Variants in SNTG2 observed in about 807,000 individuals in gnomAD.
The protein encoded by SNTG2 is gamma-2-syntrophin.
Under a neutral mutation model 70.9 loss-of-function variants are expected in SNTG2, and 74 were observed. That is an observed-to-expected ratio of 1.04 (90% CI 0.86 to 1.27). SNTG2 has a LOEUF of 1.27. Ranked by LOEUF, SNTG2 falls within the 50% of genes most tolerant of loss-of-function variation. The pLI is 0.00. For synonymous variants in SNTG2, 278 were observed against 273.8 expected (o/e 1.02, Z -0.15); for missense variants, 717 against 690.7 (o/e 1.04, Z -0.43).
chr2:1,289,213 ATCTTTACTTG>A (rs1679890996), intron 14 of SNTG2, among the ~76,000 whole-genome samples: 3 of 152,038 alleles, frequency 2.0e-5, no homozygotes, highest in African/African-American at 7.2e-5. Context: ...AATGATGCCA[ATCTTTACTTG>A]TCTGCAGCTC....
At chr2:1,051,385 G>A (rs1312108416) in intron 1 of SNTG2, among the ~76,000 whole-genome samples, 1 of 152,132 alleles carries the variant, frequency 6.6e-6, no homozygotes, top group Admixed American at 6.6e-5. Flanking sequence ...AGTTATGGAA[G>A]CTCTCTTATT....
rs757508048 is a variant in SNTG2 at position 1,137,619 on chromosome 2, C to G, written c.326-3C>G. 7 of 1,612,790 alleles carry G rather than the reference C, an allele frequency of 4.3e-6. No individual in the cohort carries two copies. In the African/African-American group the frequency reaches 5.3e-5, roughly 12 times the overall value. ...AACTGTTGCCACTTTTGCCACCCTG[C>G]AGCTGACCAGACAGGGATGTTGTTC... On this transcript the variant is annotated splice_polypyrimidine_tract_variant and splice_region_variant and intron_variant, in intron 4 of 16. Transcript: ENST00000308624.
At chr2:1,252,154 C>T (rs1056938576) in intron 12 of SNTG2, among the ~76,000 whole-genome samples, 1 of 152,062 alleles carries the variant, frequency 6.6e-6, no homozygotes, top group African/African-American at 2.4e-5. Flanking sequence ...TGATGATCCA[C>T]GAGAAAGAAG....
chr2:1,147,548 A>G (rs534206674), intron 6 of SNTG2, among the ~76,000 whole-genome samples: 52 of 152,344 alleles, frequency 3.4e-4, no homozygotes, highest in African/African-American at 1.2e-3. Flanking sequence ...GCTCCTCAGC[A>G]TGCAGATGGC....
chr2:1,112,858 T>G (rs907340591), intron 4 of SNTG2, among the ~76,000 whole-genome samples: 3 of 151,514 alleles, frequency 2.0e-5, no homozygotes, highest in Admixed American at 2.0e-4. Flanking sequence ...ACCCTTATAC[T>G]CCTTTGAGAA....
chr2:1,100,154 GT>G (rs111958119), intron 4 of SNTG2, among the ~76,000 whole-genome samples: 57 of 145,896 alleles, frequency 3.9e-4, no homozygotes, highest in Admixed American at 5.5e-4. Context: ...CTTTTCCAGG[GT>G]TTTTTTTTTT....
chr2:1,246,562 T>G (rs1211768405), intron 11 of SNTG2, among the ~76,000 whole-genome samples: 4 of 152,040 alleles, frequency 2.6e-5, no homozygotes, highest in African/African-American at 9.7e-5. Flanking sequence ...GGGATCTCTG[T>G]GATAACTTAT....
chr2:1,048,851 G>A lies in SNTG2; in HGVS notation c.73-34667G>A, dbSNP rs147785477. 2.8e-4 allele frequency among the ~76,000 whole-genome samples: 43 copies of A among 152,132 alleles called. No individual in the cohort carries two copies. In the East Asian group the frequency reaches 7.9e-3, roughly 28 times the overall value. On this transcript the variant is annotated intron_variant, in intron 1 of 16. Coordinates refer to ENST00000308624, the MANE Select transcript of SNTG2 (RefSeq NM_018968.4). ...ACCTTGATATTCATTCACCCTCTTT[G>A]ATTTTGTTCATTCTTTTGTGAGGTG...
intron 1 of SNTG2, among the ~76,000 whole-genome samples, chr2:1,011,866 C>G (rs567486202): frequency 2.0e-5 from 3 of 152,250 alleles, no homozygotes; most frequent in African/African-American, 7.2e-5. Context: ...GTAGACCTAG[C>G]TGTAGTGAAA....
chr2:1,093,948 G>C (rs111451872), intron 2 of SNTG2, among the ~76,000 whole-genome samples: 1 of 61,642 alleles, frequency 1.6e-5, no homozygotes, highest in Non-Finnish European at 3.3e-5. Flanking sequence ...GTCCTCATAT[G>C]GTAGAGTTAC....
At chr2:1,292,222 G>A (rs999710829) in intron 14 of SNTG2, among the ~76,000 whole-genome samples, 2 of 151,626 alleles carry the variant, frequency 1.3e-5, no homozygotes, top group Admixed American at 6.6e-5. Flanking sequence ...TGCTTAATTC[G>A]TGTATTCATT....
intron 8 of SNTG2, among the ~76,000 whole-genome samples, chr2:1,195,859 A>G (rs916039820): frequency 1.2e-4 from 19 of 152,002 alleles, no homozygotes; most frequent in East Asian, 1.9e-4. Context: ...AAGATTAACT[A>G]TTTTCCCGGG....
At chr2:1,036,839 T>C (rs578035030) in intron 1 of SNTG2, among the ~76,000 whole-genome samples, 10 of 152,356 alleles carry the variant, frequency 6.6e-5, no homozygotes, top group South Asian at 2.1e-4. Context: ...GTCTTGAGCT[T>C]AGTTCTTTCA....
At chr2:1,242,965 A>G (rs1161346062) in intron 11 of SNTG2, among the ~76,000 whole-genome samples, 1 of 152,278 alleles carries the variant, frequency 6.6e-6, no homozygotes, top group African/African-American at 2.4e-5. Context: ...TAGAAAATTC[A>G]TAATGTAGAA....
chr2:1,106,346 C>CT (rs1250527595), intron 4 of SNTG2, among the ~76,000 whole-genome samples: 3 of 117,540 alleles, frequency 2.6e-5, no homozygotes, highest in African/African-American at 3.3e-5. Flanking sequence ...CGTGCTGTCA[C>CT]TCGGTGCAGG....
chr2:1,127,128 AT>A (rs57118929), intron 4 of SNTG2, among the ~76,000 whole-genome samples: 150,112 of 152,098 alleles, frequency 0.99, 74,109 homozygotes, highest in East Asian at 1. Context: ...TTTTGAGTTG[AT>A]TTTTTTATAC....
At chr2:951,294 G>T (rs1366570796) in intron 1 of SNTG2, among the ~76,000 whole-genome samples, 1 of 152,248 alleles carries the variant, frequency 6.6e-6, no homozygotes, top group African/African-American at 2.4e-5. Flanking sequence ...CTGGAAACTT[G>T]CAGGCTTTGC....
At chr2:976,416 G>C (rs896246919) in intron 1 of SNTG2, among the ~76,000 whole-genome samples, 7 of 152,140 alleles carry the variant, frequency 4.6e-5, no homozygotes, top group Non-Finnish European at 7.4e-5. Flanking sequence ...TGATTGAGAG[G>C]TGGAGTCCAA....
intron 7 of SNTG2, among the ~76,000 whole-genome samples, chr2:1,172,701 T>C (rs560272880): frequency 4.7e-4 from 71 of 152,264 alleles, no homozygotes; most frequent in Admixed American, 2.5e-3. Flanking sequence ...GGAAAAAACC[T>C]TTTGAGTGGC....
Sources: allele counts gnomAD v4.1 joint callset (sites outside exome capture counted in the v4.1 genomes callset), GRCh38; gene constraint gnomAD v4.1.1; transcripts MANE v1.5; gene names NCBI Gene and HGNC (gene_info 2026-07-23, HGNC 2026-07-21).